Variants in PSMD1 observed in about 807,000 individuals in gnomAD.
PSMD1 encodes proteasome 26S subunit, non-ATPase 1, also known as 26S proteasome non-ATPase regulatory subunit 1.
PSMD1 carries 18 observed loss-of-function variants against 119.0 expected under a neutral mutation model. The ratio of observed to expected loss-of-function variants is 0.15; its 90% confidence interval spans 0.10 to 0.22. PSMD1 has a LOEUF of 0.22. Among genes scored for constraint, PSMD1 ranks in the 10% least tolerant of loss-of-function variants. PSMD1 has a pLI of 1.00. For missense variants in PSMD1, 702 were observed against 1,158.5 expected (o/e 0.61, Z 5.72); for synonymous variants, 374 against 396.6 (o/e 0.94, Z 0.68).
intron 16 of PSMD1, among the ~76,000 whole-genome samples, chr2:231,132,527 G>T (rs948590548): frequency 3.9e-5 from 6 of 152,084 alleles, no homozygotes; most frequent in Non-Finnish European, 8.8e-5. Context: ...CAAAGTTCTG[G>T]TTCTGATCCA....
intron 12 of PSMD1, 101 bp from the exon 13 acceptor site, chr2:231,082,782 C>G: frequency 2.4e-6 from 2 of 826,350 alleles, no homozygotes; most frequent in South Asian, 3.3e-5. Context: ...ACTGAGCCAA[C>G]CTCTGCATAT....
At chr2:231,119,579 C>T (rs1695459439) in intron 16 of PSMD1, among the ~76,000 whole-genome samples, 1 of 152,040 alleles carries the variant, frequency 6.6e-6, no homozygotes, top group Admixed American at 6.6e-5. Context: ...TCAATTGAAA[C>T]TTAAGTTATA....
intron 12 of PSMD1, among the ~76,000 whole-genome samples, 153 bp from the exon 13 acceptor site, chr2:231,082,730 T>G (rs553118601): frequency 6.6e-6 from 1 of 152,290 alleles, no homozygotes; most frequent in Admixed American, 6.5e-5. Context: ...ATTGCTGAGT[T>G]TATCACTGAC....
In PSMD1 at chr2:231,144,401, G is replaced by A. The variant is rs185456133; in HGVS notation, c.1999-1839G>A. On this transcript the variant is annotated intron_variant, in intron 17 of 24. Coordinates refer to ENST00000308696, the MANE Select transcript of PSMD1 (RefSeq NM_002807.4). ...TGAGTAGCCAGGACTTCAGGCACCC[G>A]CCACCACGCCCAGCTAATTTTTTTT... 5.9e-3 allele frequency among the ~76,000 whole-genome samples: 826 copies of A among 139,054 alleles called. 6 individuals are homozygous for A. The highest frequency in any genetic ancestry group is 0.018 in the African/African-American group (668 of 37,686). 91.2% of individuals were successfully genotyped at this position (139,054 alleles called of 152,430 possible). A position where few individuals can be genotyped will look rare whatever the true frequency, so the allele number is the denominator to read the frequency against.
intron 16 of PSMD1, among the ~76,000 whole-genome samples, chr2:231,087,849 C>T (rs934210096): frequency 1.6e-4 from 24 of 152,018 alleles, no homozygotes; most frequent in African/African-American, 4.4e-4. Flanking sequence ...GTAATCTCAG[C>T]TACTCGGGAG....
intron 23 of PSMD1, among the ~76,000 whole-genome samples, chr2:231,169,151 AT>A (rs1020229322): frequency 1.3e-5 from 2 of 151,418 alleles, no homozygotes; most frequent in African/African-American, 4.9e-5. Context: ...TAGTTTTGGG[AT>A]TTTTTTTTGT....
intron 16 of PSMD1, among the ~76,000 whole-genome samples, chr2:231,104,881 C>T (rs1409672587): frequency 3.3e-5 from 5 of 152,158 alleles, no homozygotes; most frequent in Non-Finnish European, 1.5e-5. Context: ...ACATCATTTA[C>T]TGTCGTAGCA....
chr2:231,058,960 C>T (rs1027346479), intron 1 of PSMD1, among the ~76,000 whole-genome samples: 1 of 152,130 alleles, frequency 6.6e-6, no homozygotes, highest in African/African-American at 2.4e-5. Context: ...CTGTCTCTCT[C>T]TCTCTCTCTG....
At chr2:231,083,106 A>G in intron 13 of PSMD1, 112 bp downstream of exon 13, 1 of 833,380 alleles carries the variant, frequency 1.2e-6, no homozygotes, top group Non-Finnish European at 1.8e-6. Context: ...GGATTTCTCT[A>G]GTTGAAGAGG....
intron 23 of PSMD1, among the ~76,000 whole-genome samples, chr2:231,166,520 T>TA (rs397972804): frequency 2.0e-5 from 3 of 151,838 alleles, no homozygotes; most frequent in Non-Finnish European, 4.4e-5. Flanking sequence ...TTTTTTTTTT[T>TA]CTATTTCATT....
chr2:231,075,489 T>A (rs1449219010), intron 7 of PSMD1, 22 bp from the exon 8 acceptor site: 1 of 1,608,658 alleles, frequency 6.2e-7, no homozygotes, highest in Non-Finnish European at 8.5e-7. Context: ...TCAGAAAAAA[T>A]TATTGGTTCT....
chr2:231,088,778 AAG>A (rs1204241677), intron 16 of PSMD1, among the ~76,000 whole-genome samples: 1 of 152,182 alleles, frequency 6.6e-6, no homozygotes, highest in Non-Finnish European at 1.5e-5. Context: ...GCTTAAGTGA[AAG>A]AGAGAGTCCC....
chr2:231,071,917 C>A (rs112603450), intron 6 of PSMD1, among the ~76,000 whole-genome samples: 2,866 of 152,266 alleles, frequency 0.019, 96 homozygotes, highest in African/African-American at 0.065. Flanking sequence ...AAGATTCATT[C>A]AACAACCAAT....
intron 15 of PSMD1, 103 bp downstream of exon 15, chr2:231,085,217 C>A: frequency 1.1e-6 from 1 of 918,032 alleles, no homozygotes; most frequent in Admixed American, 1.8e-5. Context: ...TGACCACCAC[C>A]AGTGGTCTTA....
chr2:231,075,147 C>T (rs985962602), intron 7 of PSMD1, among the ~76,000 whole-genome samples: 4 of 152,144 alleles, frequency 2.6e-5, no homozygotes, highest in Admixed American at 6.5e-5. Context: ...GGACTGTTGG[C>T]TGATTAGATT....
At chr2:231,145,478 A>G (rs1431054791) in intron 17 of PSMD1, among the ~76,000 whole-genome samples, 2 of 152,166 alleles carry the variant, frequency 1.3e-5, no homozygotes, top group Non-Finnish European at 2.9e-5. Context: ...CTTTATAAAC[A>G]CTGTACACTT....
In PSMD1 at chr2:231,066,639, G is replaced by A. The variant is rs77427887; in HGVS notation, c.305-267G>A. 3.9e-3 allele frequency among the ~76,000 whole-genome samples: 588 copies of A among 152,278 alleles called. 2 individuals carry two copies. The highest frequency in any genetic ancestry group is 0.013 in the African/African-American group (549 of 41,554). ...TGTGATCCTCCTGCCTCAGCCTGCC[G>A]AGTAGCTGGGACTGTGGGTGAGCAC... On this transcript the variant is annotated intron_variant, in intron 4 of 24. Transcript: ENST00000308696.
intron 7 of PSMD1, among the ~76,000 whole-genome samples, chr2:231,072,732 T>C (rs1694070629): frequency 6.6e-6 from 1 of 152,086 alleles, no homozygotes; most frequent in African/African-American, 2.4e-5. Flanking sequence ...CTTTTAGATA[T>C]TTGGGTTAGA....
At chr2:231,106,789 A>C (rs1162076981) in intron 16 of PSMD1, among the ~76,000 whole-genome samples, 1 of 152,100 alleles carries the variant, frequency 6.6e-6, no homozygotes, top group Non-Finnish European at 1.5e-5. Flanking sequence ...ATTGTTATCT[A>C]TGGGTAGAGT....
Sources: allele counts gnomAD v4.1 joint callset (sites outside exome capture counted in the v4.1 genomes callset), GRCh38; gene constraint gnomAD v4.1.1; transcripts MANE v1.5; gene names NCBI Gene and HGNC (gene_info 2026-07-23, HGNC 2026-07-21).